Variants in SH3BP5 observed in about 807,000 individuals in gnomAD.
SH3BP5 encodes SH3 domain-binding protein 5.
Under a neutral mutation model 43.3 loss-of-function variants are expected in SH3BP5, and 22 were observed. That is an observed-to-expected ratio of 0.51 (90% CI 0.36 to 0.73). The LOEUF is 0.73. SH3BP5 is among the 30% of genes least tolerant of loss of function. The probability of loss-of-function intolerance (pLI) is 0.00; values close to 1 mark genes in which losing one functional copy is unlikely to be tolerated. For missense variants in SH3BP5, 529 were observed against 586.9 expected, an observed-to-expected ratio of 0.90 and a Z score of 1.02; for synonymous variants, 255 against 225.8, an observed-to-expected ratio of 1.13 and a Z score of -1.16.
chr3:15,256,597 A>C (rs964065714), intron 8 of SH3BP5: 23 of 593,044 alleles, frequency 3.9e-5, no homozygotes, highest in African/African-American at 3.0e-4. Flanking sequence ...CCTCTCTACT[A>C]TGTGCTTGCC....
Position 15,257,403 on chromosome 3 carries a change from A to C in SH3BP5, c.890-290T>G. The stretch of plus-strand genomic sequence containing the variant: ...AGACACCACCTAAAAATGGAAGATT[A>C]ATTCAGCCACAAATTAGGACCTTTA... On this transcript the variant is annotated intron_variant, in intron 7 of 8. Transcript: ENST00000383791. The C allele has an allele frequency of 8.8e-6, 3 of 340,642 alleles. No individual in the cohort carries two copies. In the South Asian group the frequency reaches 1.5e-4, roughly 17 times the overall value. 21.1% of individuals were successfully genotyped at this position (340,642 alleles called of 1,614,324 possible). A position where few individuals can be genotyped will look rare whatever the true frequency, so the allele number is the denominator to read the frequency against.
chr3:15,286,263 G>A (rs1048598539), intron 3 of SH3BP5, among the ~76,000 whole-genome samples: 3 of 152,192 alleles, frequency 2.0e-5, no homozygotes, highest in African/African-American at 4.8e-5. Flanking sequence ...TAGCAGCTCC[G>A]CCCCTGCCTG....
At chr3:15,311,344 C>A (rs1019903108) in intron 2 of SH3BP5, among the ~76,000 whole-genome samples, 5 of 152,098 alleles carry the variant, frequency 3.3e-5, no homozygotes, top group African/African-American at 1.2e-4. Context: ...AGGCACATCA[C>A]CTGAGGTCAG....
chr3:15,338,046 T>A (rs938563754), intron 1 of SH3BP5, among the ~76,000 whole-genome samples: 2 of 151,916 alleles, frequency 1.3e-5, no homozygotes, highest in African/African-American at 2.4e-5. Flanking sequence ...AATTTTTTTT[T>A]TTAATGCTTT....
chr3:15,339,896 G>A (rs1246588301), intron 1 of SH3BP5: 2 of 151,074 alleles, frequency 1.3e-5, no homozygotes, highest in African/African-American at 2.4e-5. Context: ...TTGAAGTGAC[G>A]GCCTTTGCTA....
chr3:15,332,050 G>A (rs1029774159), intron 1 of SH3BP5: 9 of 654,870 alleles, frequency 1.4e-5, no homozygotes, highest in African/African-American at 1.9e-5. Context: ...GTCGGCGGGG[G>A]ACTCCCCGCA....
chr3:15,309,456 C>T (rs1697994832), intron 2 of SH3BP5, among the ~76,000 whole-genome samples: 3 of 152,182 alleles, frequency 2.0e-5, no homozygotes, highest in Non-Finnish European at 4.4e-5. Context: ...GATCATATCA[C>T]ACTGTGGCCT....
chr3:15,304,385 C>G, intron 2 of SH3BP5, 154 bp from the exon 3 acceptor site: 1 of 1,180,146 alleles, frequency 8.5e-7, no homozygotes, highest in Non-Finnish European at 1.2e-6. Context: ...AGAGCAGCAC[C>G]GCCCAAAACA....
At chr3:15,262,529 C>T (rs1696487349) in intron 4 of SH3BP5, among the ~76,000 whole-genome samples, 1 of 152,142 alleles carries the variant, frequency 6.6e-6, no homozygotes, top group African/African-American at 2.4e-5. Context: ...TGGTGGTGTG[C>T]TCCTGTAGTC....
chr3:15,318,089 C>G (rs1698227787), intron 2 of SH3BP5, among the ~76,000 whole-genome samples: 1 of 152,232 alleles, frequency 6.6e-6, no homozygotes, highest in Non-Finnish European at 1.5e-5. Flanking sequence ...CTTATTCACT[C>G]AGTGTCTCCC....
chr3:15,320,642 C>A (rs899551271), intron 2 of SH3BP5, among the ~76,000 whole-genome samples: 2 of 25,768 alleles, frequency 7.8e-5, no homozygotes, highest in Non-Finnish European at 9.5e-5. Flanking sequence ...ACACACACAC[C>A]CCACTACGTT....
At chr3:15,280,210 T>C (rs1470068864) in intron 3 of SH3BP5, among the ~76,000 whole-genome samples, 3 of 152,068 alleles carry the variant, frequency 2.0e-5, no homozygotes, top group South Asian at 2.1e-4. Context: ...AGCAACCCCA[T>C]AGATGCCAGG....
intron 1 of SH3BP5, among the ~76,000 whole-genome samples, chr3:15,331,116 T>C (rs1698597805): frequency 6.6e-6 from 1 of 152,214 alleles, no homozygotes; most frequent in South Asian, 2.1e-4. Context: ...CAATAAACAT[T>C]TACAAACTGA....
intron 4 of SH3BP5, among the ~76,000 whole-genome samples, chr3:15,266,780 CAG>C (rs928272707): frequency 7.7e-4 from 118 of 152,388 alleles, no homozygotes; most frequent in African/African-American, 2.7e-3. Flanking sequence ...TGTGGCCTAA[CAG>C]AGCACACCAG....
At chr3:15,324,910 G>T (rs1698423244) in intron 2 of SH3BP5, among the ~76,000 whole-genome samples, 1 of 151,686 alleles carries the variant, frequency 6.6e-6, no homozygotes, top group Non-Finnish European at 1.5e-5. Context: ...TTCAGAGGGA[G>T]GAAAGGCAGA....
intron 4 of SH3BP5, among the ~76,000 whole-genome samples, chr3:15,268,777 G>T (rs944606083): frequency 6.6e-6 from 1 of 152,158 alleles, no homozygotes. Context: ...CCCAGTGTGA[G>T]GGTATCTGGA....
At chr3:15,314,013 G>T (rs1374298940) in intron 2 of SH3BP5, among the ~76,000 whole-genome samples, 1 of 152,010 alleles carries the variant, frequency 6.6e-6, no homozygotes, top group East Asian at 1.9e-4. Flanking sequence ...GAGGCAGGGG[G>T]ATTGCTTGAG....
At chr3:15,297,159 C>T (rs1280601244) in intron 3 of SH3BP5, among the ~76,000 whole-genome samples, 1 of 152,164 alleles carries the variant, frequency 6.6e-6, no homozygotes, top group African/African-American at 2.4e-5. Context: ...CATTCAAGGC[C>T]CATGCCACAC....
intron 3 of SH3BP5, among the ~76,000 whole-genome samples, chr3:15,297,963 TTTTC>T (rs1414554564): frequency 1.0e-4 from 15 of 149,404 alleles, no homozygotes; most frequent in African/African-American, 3.1e-4. Context: ...GATATACAAC[TTTTC>T]TTTTTCTTTT....
Sources: allele counts gnomAD v4.1 joint callset (sites outside exome capture counted in the v4.1 genomes callset), GRCh38; gene constraint gnomAD v4.1.1; transcripts MANE v1.5; gene names NCBI Gene and HGNC (gene_info 2026-07-23, HGNC 2026-07-21).